CTNNA3: variants seen among roughly 807,000 people sequenced by gnomAD.
CTNNA3 encodes the protein catenin alpha 3, also known as catenin alpha-3.
In CTNNA3, 76 loss-of-function variants were observed where a neutral mutation model predicts 95.7. The ratio of observed to expected loss-of-function variants is 0.79; its 90% CI spans 0.66 to 0.96. The LOEUF (loss-of-function observed/expected upper bound fraction) is 0.96, where lower values mean the gene tolerates loss of function less well. Ranked by LOEUF, CTNNA3 falls within the 40% of genes least tolerant of loss-of-function variation. The pLI is 0.00. For missense variants in CTNNA3, 1,191 were observed against 1,089.8 expected (o/e 1.09, Z -1.31); for synonymous variants, 431 against 374.4 (o/e 1.15, Z -1.74).
chr10:66,837,400 A>C (rs1417540494), intron 7 of CTNNA3: 1 of 152,140 alleles, frequency 6.6e-6, no homozygotes, highest in Non-Finnish European at 1.5e-5. Flanking sequence ...CAGATTTCCC[A>C]AGCTTTCAGC....
chr10:66,529,864 A>G (rs928479656), intron 10 of CTNNA3, among the ~76,000 whole-genome samples: 3 of 152,114 alleles, frequency 2.0e-5, no homozygotes, highest in African/African-American at 7.2e-5. Flanking sequence ...TTTGCTTTAA[A>G]CTGATTTTAT....
chr10:66,228,459 T>C (rs568061521), intron 13 of CTNNA3, among the ~76,000 whole-genome samples: 2 of 152,222 alleles, frequency 1.3e-5, no homozygotes, highest in Admixed American at 6.5e-5. Context: ...TTTGAATGCA[T>C]TTGTACAGTT....
rs773820703 is a variant in CTNNA3 at position 66,527,831 on chromosome 10, A to G, written c.1375-7058T>C. Among the ~76,000 whole-genome samples the G allele has an allele frequency of 3.3e-5, 5 of 152,230 alleles. No homozygotes were observed. In the South Asian group the frequency reaches 6.2e-4, roughly 19 times the overall value. On this transcript the variant is annotated intron_variant, in intron 10 of 17. Coordinates refer to ENST00000433211, the MANE Select transcript of CTNNA3 (RefSeq NM_013266.4). ...TATTAGTTTTAAGATTTGTGTGTGTATAATCTTCAGGATTTTCTAAATATA... is the reference window on the plus strand; with the variant it reads ...TATTAGTTTTAAGATTTGTGTGTGTGTAATCTTCAGGATTTTCTAAATATA...
chr10:67,726,731 A>AT (rs1239416537), intron 1 of CTNNA3, among the ~76,000 whole-genome samples: 4 of 84,720 alleles, frequency 4.7e-5, no homozygotes, highest in Non-Finnish European at 7.9e-5. Context: ...ATCATAATAT[A>AT]CAATATATTA....
At chr10:66,553,024 A>G (rs1477033895) in intron 10 of CTNNA3, among the ~76,000 whole-genome samples, 2 of 151,802 alleles carry the variant, frequency 1.3e-5, no homozygotes, top group African/African-American at 4.8e-5. Context: ...CATGAAGTCT[A>G]TTTTCTCTGA....
intron 1 of CTNNA3, among the ~76,000 whole-genome samples, chr10:67,714,549 A>G (rs1841131605): frequency 6.6e-6 from 1 of 152,206 alleles, no homozygotes. Context: ...TTACAGGCTC[A>G]TAGGTAGAAG....
In CTNNA3 at chr10:67,620,939, A is replaced by G. The variant is rs1189608302; in HGVS notation, c.100-13890T>C. 4.9e-4 allele frequency among the ~76,000 whole-genome samples: 72 copies of G among 147,472 alleles called. 1 individual carries two copies. Among genetic ancestry groups the G allele is most frequent in the East Asian group, 3.7e-3 (19 of 5,086 alleles). The stretch of plus-strand genomic sequence containing the variant: ...TGTGTGTGTGTATATATATATATAT[A>G]TATATATATATACAGAAATGTGGAT... On this transcript the variant is annotated intron_variant, in intron 2 of 17. Transcript: ENST00000433211.
chr10:67,760,236 C>T (rs1841455297), intron 1 of CTNNA3, among the ~76,000 whole-genome samples: 1 of 152,134 alleles, frequency 6.6e-6, no homozygotes, highest in African/African-American at 2.4e-5. Flanking sequence ...TTACCCATCA[C>T]AACACATTCG....
At chr10:66,008,581 T>C (rs2078942609) in intron 15 of CTNNA3, among the ~76,000 whole-genome samples, 1 of 152,250 alleles carries the variant, frequency 6.6e-6, no homozygotes. Context: ...AGCCTTTACA[T>C]GCTTTATCTT....
chr10:67,173,965 A>T (rs1368774548), intron 7 of CTNNA3, among the ~76,000 whole-genome samples: 1 of 152,168 alleles, frequency 6.6e-6, no homozygotes, highest in Non-Finnish European at 1.5e-5. Flanking sequence ...CTCAGGCTTT[A>T]AGCTCTCTGG....
intron 5 of CTNNA3, among the ~76,000 whole-genome samples, chr10:67,300,289 C>A (rs1292643672): frequency 1.3e-5 from 2 of 152,178 alleles, no homozygotes; most frequent in Non-Finnish European, 2.9e-5. Context: ...TGATTAAGGG[C>A]CACCAGCTGG....
intron 2 of CTNNA3, among the ~76,000 whole-genome samples, chr10:67,637,486 A>G (rs576158290): frequency 6.6e-6 from 1 of 152,348 alleles, no homozygotes; most frequent in South Asian, 2.1e-4. Context: ...AAGGCAGGCC[A>G]ACATTCAAAT....
At chr10:67,614,575 A>G (rs1355773072) in intron 2 of CTNNA3, among the ~76,000 whole-genome samples, 1 of 152,150 alleles carries the variant, frequency 6.6e-6, no homozygotes, top group Non-Finnish European at 1.5e-5. Flanking sequence ...TGCTGATCTG[A>G]CAGGAGGCAG....
At position 65,920,600 on chromosome 10, in the gene CTNNA3, G is replaced by A; in HGVS notation, c.2418C>T (p.Ser806=). 6.2e-7 allele frequency: 1 copy of A among 1,613,840 alleles called. No homozygotes were observed. The highest frequency in any genetic ancestry group is 8.5e-7 in the Non-Finnish European group (1 of 1,179,770). The change falls in exon 18 of 18, where the codon TCC becomes TCT. Residue 806 remains serine (S), a synonymous_variant. Transcript: ENST00000433211. Reference sequence around the variant, plus strand: ...TTAAATTTTTGGCTGCTTGGATCAGGGATGTGACACTGTCCAACTGTAGGG... The same window carrying A: ...TTAAATTTTTGGCTGCTTGGATCAGAGATGTGACACTGTCCAACTGTAGGG... ...LIMSALDSVT[S]LIQAAKNLMN...
intron 3 of CTNNA3, among the ~76,000 whole-genome samples, chr10:67,570,776 T>C (rs991045528): frequency 6.6e-6 from 1 of 152,226 alleles, no homozygotes; most frequent in African/African-American, 2.4e-5. Flanking sequence ...CCTTGACTAA[T>C]GGAGCACTGC....
chr10:67,752,695 C>A (rs1405254593), intron 1 of CTNNA3, among the ~76,000 whole-genome samples: 6 of 152,050 alleles, frequency 3.9e-5, no homozygotes, highest in Non-Finnish European at 7.4e-5. Flanking sequence ...GACAAACAGA[C>A]AGCCAAATCA....
At chr10:66,304,008 T>C (rs1196495931) in intron 12 of CTNNA3, among the ~76,000 whole-genome samples, 1 of 151,974 alleles carries the variant, frequency 6.6e-6, no homozygotes, top group Non-Finnish European at 1.5e-5. Flanking sequence ...GAAAAGGAAA[T>C]GTAAACTAAG....
chr10:66,618,784 T>A (rs1844628142), intron 10 of CTNNA3, among the ~76,000 whole-genome samples: 1 of 151,812 alleles, frequency 6.6e-6, no homozygotes. Context: ...ACCTACAAAA[T>A]GGGAGAAAAT....
intron 13 of CTNNA3, among the ~76,000 whole-genome samples, chr10:66,105,372 T>C (rs1322980660): frequency 6.6e-6 from 1 of 152,196 alleles, no homozygotes; most frequent in African/African-American, 2.4e-5. Flanking sequence ...CCCTATAACA[T>C]TTGAACAAAT....
Sources: gnomAD v4.1 joint callset for allele counts (sites outside exome capture counted in the v4.1 genomes callset) on GRCh38, gnomAD v4.1.1 for gene constraint, MANE v1.5 for transcripts, NCBI Gene and HGNC (gene_info 2026-07-23, HGNC 2026-07-21) for gene names.